Variants in CDS2 observed in about 807,000 individuals in gnomAD.
CDS2 encodes the protein phosphatidate cytidylyltransferase 2.
Under a neutral mutation model 59.0 loss-of-function variants are expected in CDS2, and 47 were observed. That is an observed-to-expected ratio of 0.80 (90% CI 0.63 to 1.02). The LOEUF (loss-of-function observed/expected upper bound fraction) is 1.02. Ranked by LOEUF, CDS2 falls within the 50% of genes least tolerant of loss-of-function variation. The pLI is 0.00. For missense variants in CDS2, 356 were observed against 558.9 expected, an observed-to-expected ratio of 0.64 and a Z score of 3.66; for synonymous variants, 207 against 206.4, an observed-to-expected ratio of 1.00 and a Z score of -0.02.
intron 1 of CDS2, among the ~76,000 whole-genome samples, chr20:5,131,111 A>G (rs2090604397): frequency 6.6e-6 from 1 of 151,332 alleles, no homozygotes; most frequent in South Asian, 2.1e-4. Context: ...AAAAAAAAAA[A>G]GCTCTGGAGT....
chr20:5,137,552 A>C (rs1371789794), intron 1 of CDS2, among the ~76,000 whole-genome samples: 1 of 140,134 alleles, frequency 7.1e-6, no homozygotes, highest in Non-Finnish European at 1.6e-5. Flanking sequence ...CTTTCTACCT[A>C]TTTAAGTCTT....
In CDS2 at chr20:5,152,043, C is replaced by T. The variant is rs145911223; in HGVS notation, c.58-21480C>T. Among the ~76,000 whole-genome samples the T allele has an allele frequency of 3.5e-3, 521 of 150,506 alleles. 4 individuals are homozygous for T. The highest frequency in any genetic ancestry group is 0.012 in the African/African-American group (490 of 40,946). ...CCTCCCAAAGTGCTGGGATTATAGG[C>T]GTGAGCCACTGCGCCTGGTCTGACT... On this transcript the variant is annotated intron_variant, in intron 1 of 12. Transcript: ENST00000460006.
Position 5,192,212 on chromosome 20 carries a change from C to G in CDS2, c.*1978C>G, listed in dbSNP as rs1462504927. 1 of 152,298 alleles carries G rather than the reference C, an allele frequency of 6.6e-6. No individual in the cohort carries two copies. Among genetic ancestry groups the G allele is most frequent in the Non-Finnish European group, 1.5e-5 (1 of 68,210 alleles). The allele number at this position is 152,298 out of a possible 1,614,324, so 9.4% of individuals were successfully genotyped here. A position where few individuals can be genotyped will look rare whatever the true frequency, so the allele number is the denominator to read the frequency against. ...CCCATTGTGGGCATATGGTGGGCTCCTTGAGAGGAGGGAGTCTCAGCTGGG... is the reference window on the plus strand; with the variant it reads ...CCCATTGTGGGCATATGGTGGGCTCGTTGAGAGGAGGGAGTCTCAGCTGGG... On this transcript the variant is annotated 3_prime_UTR_variant, in exon 13 of 13. Coordinates refer to ENST00000460006, the MANE Select transcript of CDS2 (RefSeq NM_003818.4).
rs775969481 is a variant in CDS2 at position 5,186,705 on chromosome 20, G to A, written c.847G>A (p.Gly283Arg). 8.1e-6 allele frequency: 13 copies of A among 1,613,876 alleles called. No individual in the cohort carries two copies. Among genetic ancestry groups the A allele is most frequent in the Admixed American group, 6.7e-5 (4 of 59,980 alleles). ...TCCTCAGCTGTCCTATGTGATGTCC[G>A]GGTACAGATGCTTTGTCTGCCCTGT... is the stretch of plus-strand genomic sequence containing the variant. ...FGLLLSYVMS[G>R]YRCFVCPVEY... is the part of the protein sequence containing the mutation. The change falls in exon 10 of 13, where the codon GGG becomes AGG. Residue 283 changes from glycine to arginine, a missense_variant. By Grantham distance (125) the Gly-to-Arg change is moderately radical. This residue lies in a region of CDS2 where 88 missense variants were observed against 103.6 expected (regional missense o/e 0.85). Transcript: ENST00000460006.
intron 1 of CDS2, among the ~76,000 whole-genome samples, chr20:5,148,772 G>T (rs767044592): frequency 6.6e-6 from 1 of 152,156 alleles, no homozygotes; most frequent in Admixed American, 6.5e-5. Flanking sequence ...CGTAAAAGCC[G>T]CCTGAGCTTT....
At chr20:5,175,370 G>A (rs2090987520) in intron 3 of CDS2, 91 bp downstream of exon 3, 1 of 980,362 alleles carries the variant, frequency 1.0e-6, no homozygotes, top group South Asian at 1.3e-5. Flanking sequence ...TTGGTTGTGG[G>A]AATTGACGGG....
rs12624765 is a variant in CDS2, at chr20:5,195,980, G to T, written c.*5746G>T. The T allele has an allele frequency of 0.019, 2,897 of 152,188 alleles. 47 individuals are homozygous for T. The highest frequency in any genetic ancestry group is 0.08 in the East Asian group (412 of 5,166). 9.4% of individuals were successfully genotyped at this position (152,188 alleles called of 1,614,324 possible). A position where few individuals can be genotyped will look rare whatever the true frequency, so the allele number is the denominator to read the frequency against. ...GAGTTGGGGCACGTGTGTGTAAGGG[G>T]AGGCTGCCTCACTTTGAAGGAATGG... On this transcript the variant is annotated 3_prime_UTR_variant, in exon 13 of 13. Coordinates refer to ENST00000460006, the MANE Select transcript of CDS2 (RefSeq NM_003818.4).
At position 5,189,071 on chromosome 20, in the gene CDS2, C is replaced by T. The variant is rs144822618; in HGVS notation, c.986C>T (p.Thr329Met). 8.1e-6 allele frequency: 13 copies of T among 1,614,174 alleles called. No homozygotes were observed. The highest frequency in any genetic ancestry group is 3.3e-5 in the South Asian group (3 of 91,084). ...GVIQSVIGWK[T>M]VRMYPFQIHS... ...TACTTCATTTACTCTTCTCAGAAAACGGTCCGGATGTACCCCTTCCAGATT... is the reference window on the plus strand; with the variant it reads ...TACTTCATTTACTCTTCTCAGAAAATGGTCCGGATGTACCCCTTCCAGATT... Residue 329 changes from threonine to methionine, a missense_variant, in exon 11 of 13, where the codon ACG becomes ATG. Transcript: ENST00000460006.
rs1372573677 is a variant in CDS2 at position 5,196,674 on chromosome 20, C to G, written c.*6440C>G. The stretch of plus-strand genomic sequence containing the variant: ...GTAGAAAAGAGGTTGAGAATGTTTT[C>G]TAGCAGGCAGAATGTGCATACATGT... On this transcript the variant is annotated 3_prime_UTR_variant, in exon 13 of 13. Transcript: ENST00000460006. The G allele has an allele frequency of 1.3e-5, 2 of 152,228 alleles. No homozygotes were observed. Among genetic ancestry groups the G allele is most frequent in the Non-Finnish European group, 2.9e-5 (2 of 68,042 alleles). The allele number at this position is 152,228 out of a possible 1,614,324, so 9.4% of individuals were successfully genotyped here.
intron 1 of CDS2, among the ~76,000 whole-genome samples, chr20:5,166,408 A>G (rs565040902): frequency 1.3e-4 from 20 of 152,236 alleles, no homozygotes; most frequent in African/African-American, 4.8e-4. Flanking sequence ...TTTTGGACAC[A>G]TGGTGAGTTT....
intron 1 of CDS2, among the ~76,000 whole-genome samples, chr20:5,153,640 G>T (rs1303000935): frequency 1.3e-5 from 2 of 152,172 alleles, no homozygotes; most frequent in Non-Finnish European, 2.9e-5. Flanking sequence ...AGCTTGTACT[G>T]TTTGCTTTTT....
rs2091155009 is a variant in CDS2, at chr20:5,196,055, G to A, written c.*5821G>A. 6.6e-6 allele frequency: 1 copy of A among 152,178 alleles called. No homozygotes were observed. The highest frequency in any genetic ancestry group is 1.5e-5 in the Non-Finnish European group (1 of 68,042). 9.4% of individuals were successfully genotyped at this position (152,178 alleles called of 1,614,324 possible). On this transcript the variant is annotated 3_prime_UTR_variant, in exon 13 of 13. Transcript: ENST00000460006. ...TTCCTAGGTCAGTTGAATAATAACT[G>A]AACTACTGGTTTGACTGTGGATTAT... is the stretch of plus-strand genomic sequence containing the variant.
chr20:5,142,856 G>GT (rs887530935), intron 1 of CDS2, among the ~76,000 whole-genome samples: 1 of 151,858 alleles, frequency 6.6e-6, no homozygotes, highest in African/African-American at 2.4e-5. Flanking sequence ...TGGGCACTTT[G>GT]TTTTTTTATT....
At position 5,173,528 on chromosome 20, in the gene CDS2, A is replaced by G; in HGVS notation, c.63A>G (p.Ser21=). ...TCTGTATTTCTGCCACTTAGGAGTC[A>G]GAGTCAGAAGCAAAGGTAGATGGAG... ...EPVAPPEDKE[S]ESEAKVDGET... Residue 21 remains serine (S), a synonymous_variant, in exon 2 of 13, where the codon TCA becomes TCG. Transcript: ENST00000460006. 3 of 1,614,176 alleles carry G rather than the reference A, an allele frequency of 1.9e-6. No individual in the cohort carries two copies. The highest frequency in any genetic ancestry group is 2.2e-5 in the South Asian group (2 of 91,088).
intron 1 of CDS2, among the ~76,000 whole-genome samples, chr20:5,138,693 C>T (rs2090668267): frequency 6.6e-6 from 1 of 151,916 alleles, no homozygotes; most frequent in Non-Finnish European, 1.5e-5. Flanking sequence ...ACCACACTGG[C>T]CAGGCTGGTG....
Position 5,174,068 on chromosome 20 carries a change from C to T in CDS2, c.194+409C>T, listed in dbSNP as rs150851134. The stretch of plus-strand genomic sequence containing the variant: ...ACGTTTCCAGTTCAGAGTTTAGTTT[C>T]TCTCACATCCTTTGTGAACAGTTCC... On this transcript the variant is annotated intron_variant, in intron 2 of 12. Transcript: ENST00000460006. Among the ~76,000 whole-genome samples the T allele has an allele frequency of 3.3e-3, 497 of 152,330 alleles. 6 individuals carry two copies. The highest frequency in any genetic ancestry group is 0.012 in the African/African-American group (482 of 41,578).
At chr20:5,188,121 A>G (rs960118235) in intron 10 of CDS2, among the ~76,000 whole-genome samples, 1 of 152,042 alleles carries the variant, frequency 6.6e-6, no homozygotes, top group Non-Finnish European at 1.5e-5. Context: ...TTGACACGGT[A>G]TAATGAAATG....
intron 1 of CDS2, among the ~76,000 whole-genome samples, chr20:5,172,770 A>C (rs1339744714): frequency 1.3e-5 from 2 of 152,184 alleles, no homozygotes; most frequent in Non-Finnish European, 2.9e-5. Flanking sequence ...AACTATTCTG[A>C]ATTCCCCTAT....
intron 1 of CDS2, among the ~76,000 whole-genome samples, chr20:5,157,830 G>C (rs534926470): frequency 6.6e-6 from 1 of 152,232 alleles, no homozygotes; most frequent in African/African-American, 2.4e-5. Flanking sequence ...GGATTTCAGC[G>C]TATGAATTTT....
Sources: gnomAD v4.1 joint callset for allele counts (sites outside exome capture counted in the v4.1 genomes callset) on GRCh38, gnomAD v4.1.1 for gene constraint, gnomAD v4.1.1 regional missense constraint, MANE v1.5 for transcripts, NCBI Gene and HGNC (gene_info 2026-07-23, HGNC 2026-07-21) for gene names.